Variants in SDCCAG8 observed in about 807,000 individuals in gnomAD.
SDCCAG8 encodes the protein serologically defined colon cancer antigen 8.
A neutral mutation model predicts 101.8 loss-of-function variants in SDCCAG8; 74 were observed. The observed-to-expected ratio is 0.73, with a 90% CI of 0.60 to 0.88. SDCCAG8 has a LOEUF of 0.88. SDCCAG8 is among the 40% of genes least tolerant of loss of function. SDCCAG8 has a pLI of 0.00. For missense variants in SDCCAG8, 787 were observed against 822.6 expected, an observed-to-expected ratio of 0.96 and a Z score of 0.53; for synonymous variants, 281 against 292.9, an observed-to-expected ratio of 0.96 and a Z score of 0.41.
intron 13 of SDCCAG8, among the ~76,000 whole-genome samples, chr1:243,406,696 A>G (rs2079807426): frequency 6.6e-6 from 1 of 151,872 alleles, no homozygotes; most frequent in South Asian, 2.1e-4. Flanking sequence ...CTACATCTCC[A>G]AGTCTCGTCT....
intron 16 of SDCCAG8, among the ~76,000 whole-genome samples, chr1:243,475,570 C>T (rs931807988): frequency 1.3e-5 from 2 of 152,172 alleles, no homozygotes; most frequent in Non-Finnish European, 2.9e-5. Context: ...TCAGATCATC[C>T]TCAGAGATCC....
chr1:243,368,102 G>C lies in SDCCAG8; in HGVS notation c.1474-10619G>C, dbSNP rs140788146. Reference sequence around the variant, plus strand: ...ATGGTGACACAGACGTGTAGTCCCAGCTACTTGGGAGACTGAGGCATGAGA... The same window carrying C: ...ATGGTGACACAGACGTGTAGTCCCACCTACTTGGGAGACTGAGGCATGAGA... On this transcript the variant is annotated intron_variant, in intron 12 of 17. Coordinates refer to ENST00000366541, the MANE Select transcript of SDCCAG8 (RefSeq NM_006642.5). 2.3e-3 allele frequency among the ~76,000 whole-genome samples: 344 copies of C among 151,994 alleles called. 1 individual carries two copies. The highest frequency in any genetic ancestry group is 8.1e-3 in the African/African-American group (337 of 41,488).
At chr1:243,289,056 C>G (rs571692478) in intron 5 of SDCCAG8, among the ~76,000 whole-genome samples, 14 of 151,502 alleles carry the variant, frequency 9.2e-5, no homozygotes, top group African/African-American at 3.4e-4. Context: ...GTATTAGGTT[C>G]TCTCAAAGGA....
chr1:243,463,308 G>A (rs1659493772), intron 16 of SDCCAG8, among the ~76,000 whole-genome samples: 1 of 152,274 alleles, frequency 6.6e-6, no homozygotes, highest in Admixed American at 6.5e-5. Flanking sequence ...GGCAACACTT[G>A]ATGGCTAGGG....
At chr1:243,318,083 C>A (rs1300915976) in intron 9 of SDCCAG8, 2 of 456,486 alleles carry the variant, frequency 4.4e-6, no homozygotes, top group East Asian at 1.4e-4. Context: ...ATGGAATCAA[C>A]CGAAATTGAC....
In SDCCAG8 at chr1:243,264,873, AC is replaced by A. The variant is rs138264026; in HGVS notation, c.68-5229del. ...AATCAGGATGCATTCATTGTGAAAT[AC>A]CCTTACTGTCCTCTCAGGAGAGAAG... On this transcript the variant is annotated intron_variant, in intron 1 of 17. Coordinates refer to ENST00000366541, the MANE Select transcript of SDCCAG8 (RefSeq NM_006642.5). Among the ~76,000 whole-genome samples, 1,058 of 152,290 alleles carry A rather than the reference AC, an allele frequency of 6.9e-3. 16 individuals are homozygous for A. The highest frequency in any genetic ancestry group is 0.024 in the African/African-American group (993 of 41,560).
intron 16 of SDCCAG8, among the ~76,000 whole-genome samples, chr1:243,449,839 C>T (rs184092273): frequency 4.4e-4 from 67 of 152,280 alleles, no homozygotes; most frequent in South Asian, 1.7e-3. Context: ...TGTGGCAACT[C>T]GGGCAGTCCC....
At chr1:243,295,487 C>T (rs2070780751) in intron 6 of SDCCAG8, among the ~76,000 whole-genome samples, 1 of 152,180 alleles carries the variant, frequency 6.6e-6, no homozygotes, top group Non-Finnish European at 1.5e-5. Flanking sequence ...CCACCCGCCT[C>T]GGCCTCCCAA....
chr1:243,371,333 G>A (rs762484964), intron 12 of SDCCAG8, among the ~76,000 whole-genome samples: 3 of 152,030 alleles, frequency 2.0e-5, no homozygotes, highest in Non-Finnish European at 4.4e-5. Flanking sequence ...GACTAACTCC[G>A]TTTTGAATCT....
intron 16 of SDCCAG8, chr1:243,476,470 A>T: frequency 1.7e-6 from 1 of 585,018 alleles, no homozygotes; most frequent in Non-Finnish European, 2.2e-6. Context: ...TCAAATATGA[A>T]GGAAATTGAG....
rs956405538 is a variant in SDCCAG8, at chr1:243,394,861, T to G, written c.1616+15998T>G. ...AATGCCTCTTTTTCTGTTTTTTTTT[T>G]TTCCCCTGTAAAATTTGTGTTTCAG... is the stretch of plus-strand genomic sequence containing the variant. On this transcript the variant is annotated intron_variant, in intron 13 of 17. Coordinates refer to ENST00000366541, the MANE Select transcript of SDCCAG8 (RefSeq NM_006642.5). 2.0e-5 allele frequency among the ~76,000 whole-genome samples: 3 copies of G among 152,032 alleles called. 1 individual carries two copies. The highest frequency in any genetic ancestry group is 7.2e-5 in the African/African-American group (3 of 41,398).
chr1:243,370,343 T>C (rs2077218899), intron 12 of SDCCAG8, among the ~76,000 whole-genome samples: 1 of 152,146 alleles, frequency 6.6e-6, no homozygotes. Flanking sequence ...ATTTAATGAA[T>C]GGCCTGATAT....
chr1:243,479,074 G>C (rs903826571), intron 16 of SDCCAG8, among the ~76,000 whole-genome samples: 1 of 152,108 alleles, frequency 6.6e-6, no homozygotes. Flanking sequence ...CCTCGTTCAC[G>C]AGATGGAATT....
rs576668269 is a variant in SDCCAG8, at chr1:243,278,989, T to C, written c.420+4333T>C. ...TATTATTTGTAGAATTGAGGTCTCA[T>C]CATGTTGCCCAGGCTGGTCTTGAAC... On this transcript the variant is annotated intron_variant, in intron 4 of 17. Coordinates refer to ENST00000366541, the MANE Select transcript of SDCCAG8 (RefSeq NM_006642.5). Among the ~76,000 whole-genome samples, 4 of 152,156 alleles carry C rather than the reference T, an allele frequency of 2.6e-5. No homozygotes were observed. In the South Asian group the frequency reaches 8.3e-4, roughly 32 times the overall value.
chr1:243,394,702 A>G (rs2147953494), intron 13 of SDCCAG8, among the ~76,000 whole-genome samples: 1 of 152,336 alleles, frequency 6.6e-6, no homozygotes, highest in Admixed American at 6.5e-5. Flanking sequence ...TTTACCTTCC[A>G]TCCTACGTCC....
chr1:243,478,142 GGTTACCCAGC>G (rs1338767140), intron 16 of SDCCAG8, among the ~76,000 whole-genome samples: 2 of 152,168 alleles, frequency 1.3e-5, no homozygotes, highest in Admixed American at 1.3e-4. Flanking sequence ...CTGCCCAGAA[GGTTACCCAGC>G]GTGTTCTCTC....
intron 16 of SDCCAG8, among the ~76,000 whole-genome samples, chr1:243,479,674 G>T (rs948557543): frequency 6.6e-6 from 1 of 152,200 alleles, no homozygotes; most frequent in Non-Finnish European, 1.5e-5. Flanking sequence ...TGAGGAAACT[G>T]AGATTCAAAG....
At chr1:243,405,657 C>T (rs1408209662) in intron 13 of SDCCAG8, among the ~76,000 whole-genome samples, 2 of 152,112 alleles carry the variant, frequency 1.3e-5, no homozygotes, top group Non-Finnish European at 2.9e-5. Context: ...ATAATTAACA[C>T]ATTTTAGACA....
chr1:243,286,468 C>G (rs2069628492), intron 5 of SDCCAG8, 71 bp downstream of exon 5: 1 of 1,523,698 alleles, frequency 6.6e-7, no homozygotes, highest in Non-Finnish European at 9.0e-7. Flanking sequence ...TCCTCGCCTT[C>G]TTCGCTGCTT....
Sources: gnomAD v4.1 joint callset for allele counts (sites outside exome capture counted in the v4.1 genomes callset) on GRCh38, gnomAD v4.1.1 for gene constraint, MANE v1.5 for transcripts, NCBI Gene and HGNC (gene_info 2026-07-23, HGNC 2026-07-21) for gene names.